Variants in ZC3H3 observed in about 807,000 individuals in gnomAD.
The protein encoded by ZC3H3 is zinc finger CCCH domain-containing protein 3.
ZC3H3 carries 36 observed loss-of-function variants against 77.3 expected under a neutral mutation model. The ratio of observed to expected loss-of-function variants is 0.47; its 90% CI spans 0.36 to 0.61. The LOEUF (loss-of-function observed/expected upper bound fraction) is 0.61, where lower values mean the gene tolerates loss of function less well. Ranked by LOEUF, ZC3H3 falls within the 20% of genes least tolerant of loss-of-function variation. The probability of loss-of-function intolerance (pLI) is 0.00; values close to 1 mark genes in which losing one functional copy is unlikely to be tolerated. For synonymous variants in ZC3H3, 626 were observed against 555.2 expected, an observed-to-expected ratio of 1.13 and a Z score of -1.79; for missense variants, 1,331 against 1,312.2, an observed-to-expected ratio of 1.01 and a Z score of -0.22.
At chr8:143,502,041 C>T (rs1821541512) in intron 4 of ZC3H3, among the ~76,000 whole-genome samples, 2 of 152,258 alleles carry the variant, frequency 1.3e-5, no homozygotes, top group South Asian at 4.1e-4. Context: ...CCCCAGAGTG[C>T]ACACGCACTC....
In ZC3H3 at chr8:143,462,286, C is replaced by T. The variant is rs1450985889; in HGVS notation, c.2307+3431G>A. On this transcript the variant is annotated intron_variant, in intron 9 of 11. Coordinates refer to ENST00000262577, the MANE Select transcript of ZC3H3 (RefSeq NM_015117.3). The surrounding 1 kb of genome is among the most constrained non-coding windows in gnomAD (Gnocchi z 4.7). ...GTAACCGTGCAGGGACAAGCGACAC[C>T]CACAGCTGCCTCTTGAGCCAGCATC... Among the ~76,000 whole-genome samples, 2 of 152,182 alleles carry T rather than the reference C, an allele frequency of 1.3e-5. No homozygotes were observed. The highest frequency in any genetic ancestry group is 4.8e-5 in the African/African-American group (2 of 41,448).
intron 3 of ZC3H3, among the ~76,000 whole-genome samples, chr8:143,527,639 T>A (rs1487687846): frequency 6.6e-6 from 1 of 152,208 alleles, no homozygotes; most frequent in Admixed American, 6.5e-5. Flanking sequence ...TTTTCCCTTA[T>A]GAAAGCAGGA....
intron 4 of ZC3H3, among the ~76,000 whole-genome samples, chr8:143,482,995 C>A (rs1010238863): frequency 6.6e-6 from 1 of 152,196 alleles, no homozygotes; most frequent in Non-Finnish European, 1.5e-5. Context: ...CTGGCCAGGC[C>A]GCCCAGGCCA....
rs1025453137 is a variant in ZC3H3 at position 143,530,757 on chromosome 8, A to G, written c.1561+5500T>C. Among the ~76,000 whole-genome samples, 1 of 152,178 alleles carries G rather than the reference A, an allele frequency of 6.6e-6. No individual in the cohort carries two copies. Among genetic ancestry groups the G allele is most frequent in the African/African-American group, 2.4e-5 (1 of 41,440 alleles). The stretch of plus-strand genomic sequence containing the variant: ...GTGTGTACTGTAAACACTGTACTCG[A>G]GAACACTGATTGCCACAGTTATGTG... On this transcript the variant is annotated intron_variant, in intron 3 of 11. Coordinates refer to ENST00000262577, the MANE Select transcript of ZC3H3 (RefSeq NM_015117.3). The surrounding 1 kb of genome is among the most constrained non-coding windows in gnomAD (Gnocchi z 4.3).
chr8:143,481,086 C>G (rs1007017064), intron 4 of ZC3H3, among the ~76,000 whole-genome samples: 2 of 152,354 alleles, frequency 1.3e-5, no homozygotes, highest in African/African-American at 4.8e-5. Context: ...CCCTGAGGCT[C>G]TGTGGCTTGT....
intron 3 of ZC3H3, chr8:143,523,613 CCCCT>C: frequency 9.1e-6 from 8 of 882,568 alleles, no homozygotes; most frequent in Non-Finnish European, 1.1e-5. Flanking sequence ...CGTTTGAGGA[CCCCT>C]GTCCTCATCC....
intron 3 of ZC3H3, among the ~76,000 whole-genome samples, chr8:143,512,767 G>A (rs567995628): frequency 1.3e-5 from 2 of 152,232 alleles, no homozygotes; most frequent in Non-Finnish European, 2.9e-5. Flanking sequence ...CCCCACAGCC[G>A]CAAGAGGGCG....
At chr8:143,529,004 C>T (rs1822510867) in intron 3 of ZC3H3, among the ~76,000 whole-genome samples, 1 of 152,218 alleles carries the variant, frequency 6.6e-6, no homozygotes, top group South Asian at 2.1e-4. Flanking sequence ...CCCATGGTGG[C>T]GGGGTGGCTG....
chr8:143,500,091 C>A (rs1450600424), intron 4 of ZC3H3, among the ~76,000 whole-genome samples: 3 of 152,234 alleles, frequency 2.0e-5, no homozygotes, highest in East Asian at 1.9e-4. Flanking sequence ...GGCCTCTCAA[C>A]CCCCCACAGG....
At chr8:143,440,481 G>C (rs1388384131) in intron 10 of ZC3H3, 118 bp from the exon 11 acceptor site, 2 of 1,433,322 alleles carry the variant, frequency 1.4e-6, no homozygotes, top group Non-Finnish European at 1.8e-6. Context: ...TCTCAGGGCA[G>C]AGCTGGAGGC....
intron 3 of ZC3H3, among the ~76,000 whole-genome samples, chr8:143,521,602 TG>T (rs1822244734): frequency 6.6e-6 from 1 of 151,966 alleles, no homozygotes. Flanking sequence ...AGGCAGGAGG[TG>T]GGACAGGCAT....
chr8:143,503,021 C>A (rs1445606177), intron 4 of ZC3H3, among the ~76,000 whole-genome samples: 2 of 152,220 alleles, frequency 1.3e-5, no homozygotes, highest in Non-Finnish European at 2.9e-5. Flanking sequence ...AGAGCAACAG[C>A]CCCGTCCTGT....
chr8:143,441,793 T>C (rs925628862), intron 9 of ZC3H3, among the ~76,000 whole-genome samples: 2 of 152,152 alleles, frequency 1.3e-5, no homozygotes, highest in African/African-American at 4.8e-5. Flanking sequence ...GCCCTTCCTC[T>C]GCCCACCCCT....
chr8:143,502,248 C>T (rs527248789), intron 4 of ZC3H3, among the ~76,000 whole-genome samples: 7 of 152,248 alleles, frequency 4.6e-5, no homozygotes, highest in Non-Finnish European at 7.3e-5. Flanking sequence ...CGGCCCCAGC[C>T]GACGAAGACA....
intron 9 of ZC3H3, among the ~76,000 whole-genome samples, chr8:143,463,223 G>T (rs778750831): frequency 3.3e-5 from 5 of 151,890 alleles, no homozygotes; most frequent in Non-Finnish European, 7.4e-5. Context: ...GACCTCAGGT[G>T]ATCCACCTGC....
rs1821293539 is a variant in ZC3H3 at position 143,494,566 on chromosome 8, C to G, written c.1715+13180G>C. Among the ~76,000 whole-genome samples the G allele has an allele frequency of 1.3e-5, 2 of 152,154 alleles. No homozygotes were observed. Among genetic ancestry groups the G allele is most frequent in the African/African-American group, 4.8e-5 (2 of 41,434 alleles). ...CAGAGCACAGCGGCGCCGGCAGAACCCAGAGCGAGGGCCAGCCGGGAAGGA... is the reference window on the plus strand; with the variant it reads ...CAGAGCACAGCGGCGCCGGCAGAACGCAGAGCGAGGGCCAGCCGGGAAGGA... On this transcript the variant is annotated intron_variant, in intron 4 of 11. Coordinates refer to ENST00000262577, the MANE Select transcript of ZC3H3 (RefSeq NM_015117.3). This position sits in a 1 kb window ranked among gnomAD's most constrained non-coding sequence, Gnocchi z 5.3.
At chr8:143,486,450 C>T (rs1250786792) in intron 4 of ZC3H3, among the ~76,000 whole-genome samples, 1 of 152,218 alleles carries the variant, frequency 6.6e-6, no homozygotes, top group Non-Finnish European at 1.5e-5. Flanking sequence ...CCTGGTGGCA[C>T]TTTTTATTCT....
chr8:143,472,763 A>C (rs1456502108), intron 5 of ZC3H3, among the ~76,000 whole-genome samples: 4 of 152,212 alleles, frequency 2.6e-5, no homozygotes, highest in Non-Finnish European at 5.9e-5. Flanking sequence ...AGACGGACCC[A>C]TGCCACAAGC....
intron 9 of ZC3H3, among the ~76,000 whole-genome samples, chr8:143,453,250 GTTTTTTTGTTTT>G (rs55708095): frequency 0.63 from 95,073 of 151,278 alleles, 30,074 homozygotes; most frequent in Middle Eastern, 0.66. Flanking sequence ...ACTAATTTTT[GTTTTTTTGTTTT>G]TTTTTTTAAA....
Sources: allele counts gnomAD v4.1 joint callset (sites outside exome capture counted in the v4.1 genomes callset), GRCh38; gene constraint gnomAD v4.1.1; non-coding constraint Gnocchi (gnomAD v3.1); transcripts MANE v1.5; gene names NCBI Gene and HGNC (gene_info 2026-07-23, HGNC 2026-07-21).